Variants in KLHDC10 observed in about 807,000 individuals in gnomAD.
KLHDC10 encodes kelch domain-containing protein 10.
In KLHDC10, 24 loss-of-function variants were observed where a neutral mutation model predicts 56.1. The observed-to-expected ratio is 0.43, with a 90% CI of 0.31 to 0.60. The LOEUF (loss-of-function observed/expected upper bound fraction) is 0.60. Ranked by LOEUF, KLHDC10 falls within the 20% of genes least tolerant of loss-of-function variation. The pLI, the probability that KLHDC10 is intolerant of heterozygous loss-of-function variation, is 0.11. For synonymous variants in KLHDC10, 188 were observed against 207.1 expected, an observed-to-expected ratio of 0.91 and a Z score of 0.79; for missense variants, 349 against 567.0, an observed-to-expected ratio of 0.62 and a Z score of 3.91.
intron 2 of KLHDC10, among the ~76,000 whole-genome samples, chr7:130,102,449 G>A (rs1795944598): frequency 6.6e-6 from 1 of 152,166 alleles, no homozygotes; most frequent in Admixed American, 6.5e-5. Flanking sequence ...ATGAACAAGT[G>A]GAGTGGAACT....
At chr7:130,100,873 G>A (rs975546359) in intron 2 of KLHDC10, among the ~76,000 whole-genome samples, 6 of 151,854 alleles carry the variant, frequency 4.0e-5, no homozygotes, top group African/African-American at 1.2e-4. Context: ...CAGTAATGGC[G>A]TAATGAAAAC....
chr7:130,100,682 C>G (rs892204943), intron 2 of KLHDC10, among the ~76,000 whole-genome samples: 1 of 152,058 alleles, frequency 6.6e-6, no homozygotes, highest in Non-Finnish European at 1.5e-5. Context: ...TTTAACTTAT[C>G]TATACTTTTG....
At position 130,130,595 on chromosome 7, in the gene KLHDC10, G is replaced by A; in HGVS notation, c.1178G>A (p.Gly393Glu). The A allele has an allele frequency of 6.2e-7, 1 of 1,614,058 alleles. No individual in the cohort carries two copies. Among genetic ancestry groups the A allele is most frequent in the Non-Finnish European group, 8.5e-7 (1 of 1,180,016 alleles). Residue 393 changes from glycine to glutamate, a missense_variant, in exon 10 of 10, where the codon GGG (glycine) becomes GAG (glutamate). Transcript: ENST00000335420. The surrounding 1 kb of genome is among the most constrained non-coding windows in gnomAD (Gnocchi z 4.2). ...AACATCCATGAAAACAAACGGACTG[G>A]GTCATTGTTTAAGATCTGGCTGGTG... is the stretch of plus-strand genomic sequence containing the variant. Reference protein sequence around the residue: ...VVNIHENKRTGSLFKIWLVVP... With the variant: ...VVNIHENKRTESLFKIWLVVP...
chr7:130,100,658 CTTGT>C (rs936339190), intron 2 of KLHDC10, among the ~76,000 whole-genome samples: 5 of 152,084 alleles, frequency 3.3e-5, no homozygotes, highest in East Asian at 1.9e-4. Flanking sequence ...TGTGGTTTTG[CTTGT>C]TTGTTTGTTT....
chr7:130,077,695 A>G (rs1183462582), intron 1 of KLHDC10, among the ~76,000 whole-genome samples: 1 of 151,104 alleles, frequency 6.6e-6, no homozygotes, highest in African/African-American at 2.4e-5. Flanking sequence ...AGCTGGGACT[A>G]CAGGCACCTG....
In KLHDC10 at chr7:130,132,148, A is replaced by G. The variant is rs1019216223; in HGVS notation, c.*1402A>G. On this transcript the variant is annotated 3_prime_UTR_variant, in exon 10 of 10. Coordinates refer to ENST00000335420, the MANE Select transcript of KLHDC10 (RefSeq NM_014997.4). ...GCTAGGGGAGCTGAGCAAGAGGCTC[A>G]CCATGCGCATGTGTAAGCCGCAGGT... 2.6e-5 allele frequency: 4 copies of G among 152,116 alleles called. No individual in the cohort carries two copies. Among genetic ancestry groups the G allele is most frequent in the African/African-American group, 4.8e-5 (2 of 41,406 alleles). The allele number at this position is 152,116 out of a possible 1,614,324, so 9.4% of individuals were successfully genotyped here.
intron 2 of KLHDC10, among the ~76,000 whole-genome samples, chr7:130,108,348 G>T (rs1326830726): frequency 6.6e-6 from 1 of 152,056 alleles, no homozygotes; most frequent in Non-Finnish European, 1.5e-5. Flanking sequence ...TTTAAAAATA[G>T]AATTTTAATT....
Position 130,116,761 on chromosome 7 carries a change from T to C in KLHDC10, c.475+95T>C. 9.5e-7 allele frequency: 1 copy of C among 1,053,250 alleles called. No homozygotes were observed. The highest frequency in any genetic ancestry group is 2.4e-5 in the East Asian group (1 of 41,698). 65.2% of individuals were successfully genotyped at this position (1,053,250 alleles called of 1,614,324 possible). A position where few individuals can be genotyped will look rare whatever the true frequency, so the allele number is the denominator to read the frequency against. The stretch of plus-strand genomic sequence containing the variant: ...TCCTCATTAATAATTTATAACACTA[T>C]AATGTGATTTCGCCCTGTGGGTGGA... On this transcript the variant is annotated intron_variant, in intron 3 of 9. Coordinates refer to ENST00000335420, the MANE Select transcript of KLHDC10 (RefSeq NM_014997.4). The surrounding 1 kb of genome is among the most constrained non-coding windows in gnomAD (Gnocchi z 4.8).
intron 1 of KLHDC10, among the ~76,000 whole-genome samples, chr7:130,091,629 C>CT (rs2116862957): frequency 6.6e-6 from 1 of 152,240 alleles, no homozygotes; most frequent in Admixed American, 6.5e-5. Flanking sequence ...AAGACAGATA[C>CT]TTTAATGTTC....
At chr7:130,099,343 C>G (rs748837151) in intron 2 of KLHDC10, among the ~76,000 whole-genome samples, 1 of 152,154 alleles carries the variant, frequency 6.6e-6, no homozygotes, top group African/African-American at 2.4e-5. Flanking sequence ...TTCCTATGTA[C>G]TGTGCTAGCC....
In KLHDC10 at chr7:130,116,607, G is replaced by C; in HGVS notation, c.416G>C (p.Gly139Ala). 1 of 1,614,162 alleles carries C rather than the reference G, an allele frequency of 6.2e-7. No individual in the cohort carries two copies. The highest frequency in any genetic ancestry group is 8.5e-7 in the Non-Finnish European group (1 of 1,180,030). Residue 139 changes from glycine to alanine, a missense_variant, in exon 3 of 10, where the codon GGA (glycine) becomes GCA (alanine). Coordinates refer to ENST00000335420, the MANE Select transcript of KLHDC10 (RefSeq NM_014997.4). This position sits in a 1 kb window ranked among gnomAD's most constrained non-coding sequence, Gnocchi z 4.8. ...RELWRYHFATGVWHQMGTDGY... is the reference protein window; with the variant it reads ...RELWRYHFATAVWHQMGTDGY... ...CTCTGGAGGTATCATTTTGCTACAG[G>C]AGTATGGCACCAGATGGGCACAGAT...
rs1005775400 is a variant in KLHDC10 at position 130,127,410 on chromosome 7, C to T, written c.938C>T (p.Pro313Leu). 1 of 1,613,334 alleles carries T rather than the reference C, an allele frequency of 6.2e-7. No individual in the cohort carries two copies. The highest frequency in any genetic ancestry group is 8.5e-7 in the Non-Finnish European group (1 of 1,179,430). ...GTGTTTGTGTGTTTGGCAGGCTTTC[C>T]TGCAGCCCGAAGGTGTCACAGTTGT... is the stretch of plus-strand genomic sequence containing the variant. Reference protein sequence around the residue: ...ATKPHEKIGFPAARRCHSCVQ... With the variant: ...ATKPHEKIGFLAARRCHSCVQ... The change falls in exon 8 of 10, where the codon CCT becomes CTT. Residue 313 changes from proline to leucine, a missense_variant. Pro to Leu is a moderately conservative substitution (Grantham distance 98). This residue lies in a region of KLHDC10 where 245 missense variants were observed against 470.1 expected (regional missense o/e 0.52). Coordinates refer to ENST00000335420, the MANE Select transcript of KLHDC10 (RefSeq NM_014997.4).
At chr7:130,126,589 T>C (rs1400662252) in intron 7 of KLHDC10, among the ~76,000 whole-genome samples, 4 of 151,916 alleles carry the variant, frequency 2.6e-5, no homozygotes, top group South Asian at 2.1e-4. Flanking sequence ...GGCAGGAGAA[T>C]TGTTTGAACC....
rs190946803 is a variant in KLHDC10, at chr7:130,125,506, A to G, written c.865-359A>G. Among the ~76,000 whole-genome samples, 329 of 151,924 alleles carry G rather than the reference A, an allele frequency of 2.2e-3. 1 individual carries two copies. Among genetic ancestry groups the G allele is most frequent in the Non-Finnish European group, 1.9e-3 (132 of 67,994 alleles). On this transcript the variant is annotated intron_variant, in intron 6 of 9. Transcript: ENST00000335420. ...TGCAGTGAGCCAAGATCGCGTCACT[A>G]CACTCCAGCCTGGGTGACAGAGTAA...
At chr7:130,087,865 A>G (rs879896876) in intron 1 of KLHDC10, among the ~76,000 whole-genome samples, 1 of 151,756 alleles carries the variant, frequency 6.6e-6, no homozygotes, top group South Asian at 2.1e-4. Context: ...GGTTCAAGCA[A>G]TTCTCCTGCC....
chr7:130,127,868 T>C (rs1316133111), intron 8 of KLHDC10, among the ~76,000 whole-genome samples: 1 of 152,234 alleles, frequency 6.6e-6, no homozygotes, highest in Non-Finnish European at 1.5e-5. Context: ...CTCTCTCTGA[T>C]GCCAAATGGA....
At chr7:130,103,204 C>T (rs767789408) in intron 2 of KLHDC10, among the ~76,000 whole-genome samples, 1 of 151,744 alleles carries the variant, frequency 6.6e-6, no homozygotes, top group Non-Finnish European at 1.5e-5. Context: ...GGCAGGTGAA[C>T]CACGAGGCCA....
intron 2 of KLHDC10, among the ~76,000 whole-genome samples, chr7:130,114,223 G>C (rs1483860819): frequency 1.3e-5 from 2 of 152,094 alleles, no homozygotes; most frequent in Non-Finnish European, 1.5e-5. Flanking sequence ...AAACTGTTTG[G>C]AAAAGAAAAA....
intron 2 of KLHDC10, among the ~76,000 whole-genome samples, chr7:130,110,025 C>G (rs1030872060): frequency 6.6e-5 from 10 of 152,226 alleles, no homozygotes; most frequent in African/African-American, 2.4e-4. Flanking sequence ...CAGTGTTGAA[C>G]AGTTTCTCAG....
Sources: allele counts gnomAD v4.1 joint callset (sites outside exome capture counted in the v4.1 genomes callset), GRCh38; gene constraint gnomAD v4.1.1; regional missense constraint gnomAD v4.1.1; non-coding constraint Gnocchi (gnomAD v3.1); transcripts MANE v1.5; gene names NCBI Gene and HGNC (gene_info 2026-07-23, HGNC 2026-07-21).